The following GPR89B variants were observed in gnomAD, a reference collection of about 807,000 sequenced individuals.
GPR89B encodes G protein-coupled receptor 89B.
GPR89B carries 25 observed loss-of-function variants against 52.4 expected under a neutral mutation model. That is an observed-to-expected ratio of 0.48 (90% CI 0.35 to 0.67). The LOEUF is 0.67. GPR89B is among the 30% of genes least tolerant of loss of function. The pLI, the probability that GPR89B is intolerant of heterozygous loss-of-function variation, is 0.01. For synonymous variants in GPR89B, 52 were observed against 151.2 expected, an observed-to-expected ratio of 0.34 and a Z score of 4.81; for missense variants, 146 against 450.2, an observed-to-expected ratio of 0.32 and a Z score of 6.11.
At chr1:147,971,576 A>G (rs1335729358) in intron 10 of GPR89B, among the ~76,000 whole-genome samples, 18 of 145,916 alleles carry the variant, frequency 1.2e-4, no homozygotes, top group Non-Finnish European at 2.7e-4. Context: ...TTCCAGATTC[A>G]AGTGATTCCC....
intron 3 of GPR89B, among the ~76,000 whole-genome samples, chr1:147,940,369 C>G (rs1344788120): frequency 1.4e-4 from 21 of 151,544 alleles, no homozygotes; most frequent in Non-Finnish European, 1.6e-4. Flanking sequence ...TGCCACTGCA[C>G]TCCAGCCTGG....
At chr1:148,006,205 C>A in the GPR89B span, among the ~76,000 whole-genome samples, 87,771 of 138,142 alleles carry the variant, frequency 0.64, 30,167 homozygotes, top group African/African-American at 0.88. Flanking sequence ...TGGCCCCTTG[C>A]ACCAGAAAGC....
the GPR89B span, among the ~76,000 whole-genome samples, chr1:148,015,553 A>G: frequency 6.9e-6 from 1 of 145,628 alleles, no homozygotes; most frequent in African/African-American, 2.6e-5. Flanking sequence ...TGACCTCGTG[A>G]TGCACCCGCC....
chr1:147,956,668 A>G (rs1656136088), intron 7 of GPR89B, among the ~76,000 whole-genome samples: 1 of 152,062 alleles, frequency 6.6e-6, no homozygotes, highest in South Asian at 2.1e-4. Context: ...ACACAAATAA[A>G]TGGAAAGATA....
intron 7 of GPR89B, among the ~76,000 whole-genome samples, chr1:147,955,266 T>C (rs1656034176): frequency 2.0e-5 from 3 of 152,120 alleles, no homozygotes; most frequent in Non-Finnish European, 1.5e-5. Flanking sequence ...AGTATTCTGT[T>C]GTACATGTAT....
At chr1:147,980,701 C>T (rs1342570450) in intron 10 of GPR89B, among the ~76,000 whole-genome samples, 1 of 151,336 alleles carries the variant, frequency 6.6e-6, no homozygotes, top group African/African-American at 2.4e-5. Flanking sequence ...CGCCTGTAGT[C>T]CCAGCTACTT....
chr1:147,997,630 GC>G (rs1659347346), downstream of GPR89B, among the ~76,000 whole-genome samples: 2 of 152,110 alleles, frequency 1.3e-5, no homozygotes, highest in Admixed American at 1.3e-4. Context: ...GGGCTTCTCA[GC>G]CTCCATAATC....
At chr1:147,968,708 G>C in intron 8 of GPR89B, 167 bp from the exon 9 acceptor site, 9 of 937,830 alleles carry the variant, frequency 9.6e-6, no homozygotes, top group Non-Finnish European at 1.5e-5. Flanking sequence ...CTGCGTCAGA[G>C]GTTGGGAAAG....
chr1:147,958,519 A>C (rs1371325890), intron 7 of GPR89B, among the ~76,000 whole-genome samples: 3 of 54,212 alleles, frequency 5.5e-5, no homozygotes, highest in African/African-American at 1.9e-4. Flanking sequence ...CATGCCTGTA[A>C]TCCCAGCTAC....
rs146243747 is a variant in GPR89B, at chr1:147,933,845, C to T, written c.43-2782C>T. On this transcript the variant is annotated intron_variant, in intron 1 of 13. Coordinates refer to ENST00000314163, the MANE Select transcript of GPR89B (RefSeq NM_016334.5). ...TGTCGCTTCCTTCAAGTGTGTCTTC[C>T]ACACAGCCACCATACCGCTCTATAT... Among the ~76,000 whole-genome samples the T allele has an allele frequency of 2.9e-3, 434 of 152,266 alleles. 1 individual carries two copies. Among genetic ancestry groups the T allele is most frequent in the African/African-American group, 9.8e-3 (405 of 41,538 alleles).
At chr1:148,006,862 G>A in the GPR89B span, among the ~76,000 whole-genome samples, 6 of 151,530 alleles carry the variant, frequency 4.0e-5, no homozygotes, top group African/African-American at 9.7e-5. Context: ...GACTACAGGC[G>A]CCTGCCACCG....
At chr1:148,016,710 A>G in the GPR89B span, among the ~76,000 whole-genome samples, 2 of 152,084 alleles carry the variant, frequency 1.3e-5, no homozygotes, top group South Asian at 2.1e-4. Flanking sequence ...TGAGCAACAT[A>G]CTGAAACCCC....
the GPR89B span, among the ~76,000 whole-genome samples, chr1:148,024,031 A>G: frequency 6.4e-4 from 94 of 147,174 alleles, 10 homozygotes; most frequent in African/African-American, 2.4e-3. Context: ...GTTGAGAATG[A>G]TATTTCCTAG....
At chr1:148,002,898 G>C in the GPR89B span, among the ~76,000 whole-genome samples, 1 of 152,092 alleles carries the variant, frequency 6.6e-6, no homozygotes, top group Non-Finnish European at 1.5e-5. Flanking sequence ...ATGTTACAAA[G>C]CCTGAACTCA....
At chr1:147,950,301 G>A (rs1655534956) in intron 5 of GPR89B, among the ~76,000 whole-genome samples, 1 of 151,180 alleles carries the variant, frequency 6.6e-6, no homozygotes, top group Non-Finnish European at 1.5e-5. Context: ...AGACGGGGCG[G>A]CGGGGCAGAG....
chr1:147,992,609 A>G, intron 13 of GPR89B, 42 bp downstream of exon 13: 2 of 1,611,568 alleles, frequency 1.2e-6, no homozygotes, highest in Non-Finnish European at 1.7e-6. Context: ...GCTGTAAAAT[A>G]TCAGAAATGT....
intron 10 of GPR89B, among the ~76,000 whole-genome samples, chr1:147,985,581 G>C (rs1462146953): frequency 2.2e-3 from 329 of 151,730 alleles, no homozygotes; most frequent in Non-Finnish European, 3.5e-3. Flanking sequence ...CAGTGGCAGA[G>C]TTTGCTCACC....
intron 5 of GPR89B, among the ~76,000 whole-genome samples, chr1:147,950,382 C>G (rs1312847471): frequency 6.7e-6 from 1 of 149,216 alleles, no homozygotes; most frequent in Admixed American, 6.6e-5. Context: ...GGATGGCGGC[C>G]GGGAAGAGGC....
chr1:147,949,631 C>T (rs1655377816), intron 5 of GPR89B, among the ~76,000 whole-genome samples: 1 of 139,094 alleles, frequency 7.2e-6, no homozygotes, highest in South Asian at 2.2e-4. Context: ...GGCTGACCCC[C>T]CCACCTCCCT....
Sources: gnomAD v4.1 joint callset for allele counts (sites outside exome capture counted in the v4.1 genomes callset) on GRCh38, gnomAD v4.1.1 for gene constraint, MANE v1.5 for transcripts, NCBI Gene and HGNC (gene_info 2026-07-23, HGNC 2026-07-21) for gene names.